The following LINGO2 variants were observed in gnomAD, a reference collection of about 807,000 sequenced individuals.
LINGO2 encodes leucine rich repeat and Ig domain containing 2.
In LINGO2, 14 loss-of-function variants were observed where a neutral mutation model predicts 30.6. The ratio of observed to expected loss-of-function variants is 0.46; its 90% CI spans 0.30 to 0.72. The LOEUF is 0.72. LINGO2 is among the 30% of genes least tolerant of loss of function. The probability of loss-of-function intolerance (pLI) is 0.07; values close to 1 mark genes in which losing one functional copy is unlikely to be tolerated. For missense variants in LINGO2, 729 were observed against 751.7 expected (o/e 0.97, Z 0.35); for synonymous variants, 317 against 288.5 (o/e 1.10, Z -1.00).
At chr9:28,528,624 C>A (rs772994419) in intron 1 of LINGO2, among the ~76,000 whole-genome samples, 1 of 152,082 alleles carries the variant, frequency 6.6e-6, no homozygotes, top group Non-Finnish European at 1.5e-5. Flanking sequence ...AAGGGAGGTA[C>A]ATGAGTTGTA....
At chr9:28,379,276 T>G (rs558749578) in intron 2 of LINGO2, among the ~76,000 whole-genome samples, 1 of 152,220 alleles carries the variant, frequency 6.6e-6, no homozygotes, top group Admixed American at 6.5e-5. Flanking sequence ...TGCAAGAGAC[T>G]GAAAGCAGGT....
At chr9:28,429,122 GTAAA>G (rs1823538882) in intron 2 of LINGO2, among the ~76,000 whole-genome samples, 2 of 152,120 alleles carry the variant, frequency 1.3e-5, no homozygotes, top group African/African-American at 4.8e-5. Context: ...TAACAGCTCA[GTAAA>G]TGTTTAATGT....
Position 28,073,318 on chromosome 9 carries a change from T to C in LINGO2, c.-86-60913A>G, listed in dbSNP as rs75905472. 2.5e-3 allele frequency among the ~76,000 whole-genome samples: 385 copies of C among 152,308 alleles called. 1 individual carries two copies. The highest frequency in any genetic ancestry group is 4.1e-3 in the Non-Finnish European group (280 of 68,036). On this transcript the variant is annotated intron_variant, in intron 4 of 5. Transcript: ENST00000379992. ...TCTGTTAAATGAGGATGAAAATAAC[T>C]AGCCTACACCAGTTTCCTTGTAGGG...
chr9:28,154,261 TA>T (rs1466249029), intron 4 of LINGO2, among the ~76,000 whole-genome samples: 1 of 151,442 alleles, frequency 6.6e-6, no homozygotes, highest in African/African-American at 2.4e-5. Flanking sequence ...GCGCTTGTCA[TA>T]TTTTTTTACC....
At position 28,587,562 on chromosome 9, in the gene LINGO2, C is replaced by A. The variant is rs116068147; in HGVS notation, c.-365+82638G>T. Among the ~76,000 whole-genome samples, 847 of 151,886 alleles carry A rather than the reference C, an allele frequency of 5.6e-3. 8 individuals are homozygous for A. The highest frequency in any genetic ancestry group is 0.02 in the African/African-American group (813 of 41,444). The stretch of plus-strand genomic sequence containing the variant: ...CTTGGCTACCTGACTGTAGGACACC[C>A]AGGGCTTAGTATGCGATGGGTATGA... On this transcript the variant is annotated intron_variant, in intron 1 of 5. Transcript: ENST00000379992.
At chr9:28,895,067 T>C in the LINGO2 span, among the ~76,000 whole-genome samples, 4 of 152,158 alleles carry the variant, frequency 2.6e-5, no homozygotes, top group African/African-American at 9.7e-5. Context: ...ACCTAGTTTC[T>C]ATTGCTGCAC....
the LINGO2 span, among the ~76,000 whole-genome samples, chr9:28,709,741 T>C: frequency 6.6e-6 from 1 of 151,834 alleles, no homozygotes; most frequent in South Asian, 2.1e-4. Flanking sequence ...ATTATATATG[T>C]ATACTAATAA....
At chr9:28,669,701 A>G (rs1828941905) in intron 1 of LINGO2, among the ~76,000 whole-genome samples, 1 of 152,024 alleles carries the variant, frequency 6.6e-6, no homozygotes, top group Admixed American at 6.6e-5. Context: ...GGCCATTAGT[A>G]CTAGTGGGGG....
the LINGO2 span, among the ~76,000 whole-genome samples, chr9:29,102,994 A>G: frequency 3.9e-5 from 6 of 152,136 alleles, no homozygotes; most frequent in Admixed American, 1.3e-4. Flanking sequence ...AAATGATAAT[A>G]AGCTAAAACA....
chr9:28,693,730 G>A, the LINGO2 span, among the ~76,000 whole-genome samples: 1 of 152,064 alleles, frequency 6.6e-6, no homozygotes, highest in Non-Finnish European at 1.5e-5. Flanking sequence ...TTTAGAACCT[G>A]AAAAATAATT....
the LINGO2 span, among the ~76,000 whole-genome samples, chr9:28,694,915 C>T: frequency 6.7e-6 from 1 of 150,128 alleles, no homozygotes; most frequent in African/African-American, 2.4e-5. Flanking sequence ...AATTAGAGGA[C>T]ACAGTTTCTT....
the LINGO2 span, among the ~76,000 whole-genome samples, chr9:28,904,750 C>T: frequency 1.3e-5 from 2 of 151,944 alleles, no homozygotes; most frequent in South Asian, 4.1e-4. Context: ...ATAATTAATA[C>T]TCTTAAAATG....
At chr9:28,725,196 T>C in the LINGO2 span, among the ~76,000 whole-genome samples, 9 of 152,122 alleles carry the variant, frequency 5.9e-5, no homozygotes, top group South Asian at 6.2e-4. Flanking sequence ...ATCACACGTA[T>C]TACCTATATG....
chr9:29,164,982 G>C, the LINGO2 span, among the ~76,000 whole-genome samples: 1 of 151,938 alleles, frequency 6.6e-6, no homozygotes, highest in East Asian at 1.9e-4. Context: ...CAGCCTCTTA[G>C]ATTTTTGTTA....
the LINGO2 span, among the ~76,000 whole-genome samples, chr9:28,932,902 ATAT>A: frequency 2.0e-5 from 3 of 149,776 alleles, no homozygotes; most frequent in African/African-American, 2.5e-5. Context: ...TCTTTTTATT[ATAT>A]TATTATTATT....
chr9:28,557,026 C>A (rs1822744533), intron 1 of LINGO2, among the ~76,000 whole-genome samples: 1 of 151,368 alleles, frequency 6.6e-6, no homozygotes, highest in East Asian at 1.9e-4. Flanking sequence ...AAACGTTAGA[C>A]CTAAAACCAT....
Position 28,189,704 on chromosome 9 carries a change from GAA to G in LINGO2, c.-87+105502_-87+105503del, listed in dbSNP as rs1564029677. Among the ~76,000 whole-genome samples, 66 of 134,836 alleles carry G rather than the reference GAA, an allele frequency of 4.9e-4. 1 individual carries two copies. Among genetic ancestry groups the G allele is most frequent in the African/African-American group, 1.7e-3 (64 of 37,156 alleles). 88.5% of individuals were successfully genotyped at this position (134,836 alleles called of 152,430 possible). A position where few individuals can be genotyped will look rare whatever the true frequency, so the allele number is the denominator to read the frequency against. On this transcript the variant is annotated intron_variant, in intron 4 of 5. Transcript: ENST00000379992. ...GGAAGGGAGGAAGGAAGGGAGGGAG[GAA>G]GGAAGGAAGGAAGGAAGGTTGGTTC...
chr9:28,943,841 A>G, the LINGO2 span, among the ~76,000 whole-genome samples: 3 of 152,322 alleles, frequency 2.0e-5, no homozygotes, highest in East Asian at 3.9e-4. Flanking sequence ...ATATCTAGGC[A>G]ATCACAGTGG....
At chr9:28,042,414 T>C (rs1272286407) in intron 4 of LINGO2, among the ~76,000 whole-genome samples, 2 of 152,206 alleles carry the variant, frequency 1.3e-5, no homozygotes, top group Non-Finnish European at 2.9e-5. Flanking sequence ...AAAAAGTCAC[T>C]GGTATATGCT....
Sources: allele counts gnomAD v4.1 joint callset (sites outside exome capture counted in the v4.1 genomes callset), GRCh38; gene constraint gnomAD v4.1.1; transcripts MANE v1.5; gene names NCBI Gene and HGNC (gene_info 2026-07-23, HGNC 2026-07-21).